ATXN1: variants seen among roughly 807,000 people sequenced by gnomAD.
ATXN1 encodes the protein ataxin-1.
Under a neutral mutation model 56.4 loss-of-function variants are expected in ATXN1, and 8 were observed. The ratio of observed to expected loss-of-function variants is 0.14; its 90% CI spans 0.08 to 0.26. The LOEUF (loss-of-function observed/expected upper bound fraction) is 0.26. Among genes scored for constraint, ATXN1 ranks in the 10% least tolerant of loss-of-function variants. ATXN1 has a pLI of 1.00. For synonymous variants in ATXN1, 514 were observed against 494.6 expected (o/e 1.04, Z -0.52); for missense variants, 987 against 1,106.5 (o/e 0.89, Z 1.53).
chr6:16,398,078 T>C (rs892611341), intron 6 of ATXN1, among the ~76,000 whole-genome samples: 3 of 152,230 alleles, frequency 2.0e-5, no homozygotes, highest in Non-Finnish European at 4.4e-5. Flanking sequence ...CAATCTGTCA[T>C]GAAAATGGGA....
intron 4 of ATXN1, among the ~76,000 whole-genome samples, chr6:16,526,971 T>A (rs901322870): frequency 6.7e-5 from 10 of 149,634 alleles, no homozygotes; most frequent in African/African-American, 2.2e-4. Flanking sequence ...AAAAACTGTA[T>A]GATCTTGAGT....
chr6:16,719,587 A>C (rs980879861), intron 2 of ATXN1, among the ~76,000 whole-genome samples: 1 of 152,216 alleles, frequency 6.6e-6, no homozygotes, highest in Non-Finnish European at 1.5e-5. Context: ...GATAAAAATT[A>C]ACCACACAAT....
chr6:16,341,498 A>G (rs1225557572), intron 6 of ATXN1, among the ~76,000 whole-genome samples: 1 of 150,930 alleles, frequency 6.6e-6, no homozygotes, highest in Non-Finnish European at 1.5e-5. Flanking sequence ...AGAGGTGAGA[A>G]CCTCTGGTAT....
intron 2 of ATXN1, among the ~76,000 whole-genome samples, chr6:16,742,748 T>C (rs953429813): frequency 3.3e-5 from 5 of 152,160 alleles, no homozygotes; most frequent in Non-Finnish European, 7.4e-5. Flanking sequence ...AGGGCACAGA[T>C]AAGATTAGAT....
intron 2 of ATXN1, chr6:16,750,143 C>T (rs1351085850): frequency 6.6e-6 from 1 of 152,222 alleles, no homozygotes; most frequent in Non-Finnish European, 1.5e-5. Flanking sequence ...TGAATTCCTT[C>T]ACTGTTAGAA....
At chr6:16,439,166 A>C (rs1428388827) in intron 6 of ATXN1, among the ~76,000 whole-genome samples, 1 of 151,990 alleles carries the variant, frequency 6.6e-6, no homozygotes, top group African/African-American at 2.4e-5. Context: ...CATGTTATGA[A>C]GGGCCTCCAA....
At chr6:16,740,277 T>C (rs979621874) in intron 2 of ATXN1, among the ~76,000 whole-genome samples, 2 of 152,232 alleles carry the variant, frequency 1.3e-5, no homozygotes, top group Non-Finnish European at 2.9e-5. Flanking sequence ...TAACAGTAGA[T>C]ACTTAATTAT....
In ATXN1 at chr6:16,760,962, C is replaced by G. The variant is rs1450099498; in HGVS notation, c.-730+336G>C. On this transcript the variant is annotated intron_variant, in intron 1 of 7. Coordinates refer to ENST00000436367, the MANE Select transcript of ATXN1 (RefSeq NM_001128164.2). The surrounding 1 kb of genome is among the most constrained non-coding windows in gnomAD (Gnocchi z 5.3). The stretch of plus-strand genomic sequence containing the variant: ...CGGGCGCGCCCCCTAGCCCGGCGGG[C>G]GCCCACCCAGCCCCTGACAGCCCCC... 1.3e-5 allele frequency among the ~76,000 whole-genome samples: 2 copies of G among 148,606 alleles called. No homozygotes were observed. The highest frequency in any genetic ancestry group is 3.0e-5 in the Non-Finnish European group (2 of 66,736).
In ATXN1 at chr6:16,663,594, T is replaced by C. The variant is rs1188773223; in HGVS notation, c.-614-5693A>G. Reference sequence around the variant, plus strand: ...GGGTGGTGCAAGTATCAGTCTCATGTCTTAGGAAGATGATGCTCATCACGC... The same window carrying C: ...GGGTGGTGCAAGTATCAGTCTCATGCCTTAGGAAGATGATGCTCATCACGC... On this transcript the variant is annotated intron_variant, in intron 2 of 7. Coordinates refer to ENST00000436367, the MANE Select transcript of ATXN1 (RefSeq NM_001128164.2). 2.6e-5 allele frequency among the ~76,000 whole-genome samples: 4 copies of C among 152,150 alleles called. No homozygotes were observed. In the East Asian group the frequency reaches 7.7e-4, roughly 29 times the overall value.
intron 4 of ATXN1, among the ~76,000 whole-genome samples, chr6:16,555,514 C>T (rs1176360854): frequency 6.6e-6 from 1 of 152,170 alleles, no homozygotes; most frequent in Non-Finnish European, 1.5e-5. Context: ...GCAGACTCGC[C>T]TAAGACACCC....
intron 6 of ATXN1, among the ~76,000 whole-genome samples, chr6:16,450,687 T>C (rs556607793): frequency 6.6e-6 from 1 of 152,384 alleles, no homozygotes; most frequent in East Asian, 1.9e-4. Context: ...CACCTCCATA[T>C]GAAGTATTCA....
intron 6 of ATXN1, among the ~76,000 whole-genome samples, chr6:16,339,802 G>C (rs1761204311): frequency 6.6e-6 from 1 of 151,850 alleles, no homozygotes; most frequent in Admixed American, 6.6e-5. Flanking sequence ...TTTCTTTTTT[G>C]AGACGGAGTC....
intron 3 of ATXN1, among the ~76,000 whole-genome samples, chr6:16,598,452 A>C (rs1054109613): frequency 6.6e-6 from 1 of 152,208 alleles, no homozygotes; most frequent in African/African-American, 2.4e-5. Flanking sequence ...TATTGATCCT[A>C]ACTTTACCAC....
chr6:16,708,156 T>C (rs1341137445), intron 2 of ATXN1, among the ~76,000 whole-genome samples: 2 of 152,058 alleles, frequency 1.3e-5, no homozygotes, highest in East Asian at 1.9e-4. Context: ...AAAACCAGGA[T>C]AGCACTCTGA....
At chr6:16,759,993 A>AATACACACACACAGTC (rs1761022121) in intron 1 of ATXN1, among the ~76,000 whole-genome samples, 1 of 150,564 alleles carries the variant, frequency 6.6e-6, no homozygotes. Flanking sequence ...CGCGCGCACA[A>AATACACACACACAGTC]ATACACACAC....
At chr6:16,610,254 AAACCAACC>A (rs141382992) in intron 3 of ATXN1, among the ~76,000 whole-genome samples, 9 of 151,680 alleles carry the variant, frequency 5.9e-5, no homozygotes, top group African/African-American at 9.7e-5. Flanking sequence ...AATACAGAGT[AAACCAACC>A]AACCAACCAA....
At chr6:16,377,505 G>A (rs1016251791) in intron 6 of ATXN1, among the ~76,000 whole-genome samples, 1 of 152,130 alleles carries the variant, frequency 6.6e-6, no homozygotes, top group Non-Finnish European at 1.5e-5. Context: ...AGGGTCCGGA[G>A]GGTCAGAGCT....
At chr6:16,545,394 T>TA (rs958953897) in intron 4 of ATXN1, among the ~76,000 whole-genome samples, 2 of 102,342 alleles carry the variant, frequency 2.0e-5, no homozygotes, top group Non-Finnish European at 4.1e-5. Flanking sequence ...ATTTCTTGTC[T>TA]TTTTTTTTTT....
intron 1 of ATXN1, among the ~76,000 whole-genome samples, chr6:16,753,739 T>G (rs763274734): frequency 6.6e-6 from 1 of 152,236 alleles, no homozygotes; most frequent in Non-Finnish European, 1.5e-5. Flanking sequence ...CAAAGCCTAA[T>G]TTTAATGTGG....
Sources: gnomAD v4.1 joint callset for allele counts (sites outside exome capture counted in the v4.1 genomes callset) on GRCh38, gnomAD v4.1.1 for gene constraint, Gnocchi (gnomAD v3.1) non-coding constraint, MANE v1.5 for transcripts, NCBI Gene and HGNC (gene_info 2026-07-23, HGNC 2026-07-21) for gene names.